Variants in KIAA0825 observed in about 807,000 individuals in gnomAD.
KIAA0825 encodes KIAA0825.
Under a neutral mutation model 147.6 loss-of-function variants are expected in KIAA0825, and 119 were observed. The observed-to-expected ratio is 0.81, with a 90% CI of 0.69 to 0.94. The LOEUF (loss-of-function observed/expected upper bound fraction) is 0.94, where lower values mean the gene tolerates loss of function less well. Among genes scored for constraint, KIAA0825 ranks in the 40% least tolerant of loss-of-function variants. The pLI, the probability that KIAA0825 is intolerant of heterozygous loss-of-function variation, is 0.00. For missense variants in KIAA0825, 1,381 were observed against 1,472.7 expected, an observed-to-expected ratio of 0.94 and a Z score of 1.02; for synonymous variants, 470 against 518.1, an observed-to-expected ratio of 0.91 and a Z score of 1.26.
chr5:94,523,781 T>C (rs1048157622), intron 4 of KIAA0825, 149 bp downstream of exon 4: 4 of 453,522 alleles, frequency 8.8e-6, no homozygotes, highest in African/African-American at 2.0e-5. Flanking sequence ...CAGTGGATTA[T>C]GTTGGGGATA....
At chr5:94,326,288 T>C (rs1247736121) in intron 20 of KIAA0825, among the ~76,000 whole-genome samples, 1 of 152,164 alleles carries the variant, frequency 6.6e-6, no homozygotes, top group Non-Finnish European at 1.5e-5. Flanking sequence ...AGAAATTCAC[T>C]CAGCAGCATT....
chr5:94,416,523 T>C (rs1489177805), intron 15 of KIAA0825: 1 of 152,204 alleles, frequency 6.6e-6, no homozygotes, highest in African/African-American at 2.4e-5. Context: ...GTTTTCATCC[T>C]TTGTTTTCAC....
chr5:94,393,257 A>G (rs574689231), intron 17 of KIAA0825, among the ~76,000 whole-genome samples: 6 of 152,324 alleles, frequency 3.9e-5, no homozygotes, highest in African/African-American at 1.4e-4. Context: ...CTTAATCTGT[A>G]TATGCACCCA....
At chr5:94,228,588 G>T (rs992317743) in intron 20 of KIAA0825, among the ~76,000 whole-genome samples, 1 of 152,118 alleles carries the variant, frequency 6.6e-6, no homozygotes, top group Admixed American at 6.5e-5. Flanking sequence ...TCACTGGCCA[G>T]AACTAAGTCA....
intron 1 of KIAA0825, among the ~76,000 whole-genome samples, chr5:94,589,214 T>TG (rs1229188144): frequency 6.6e-6 from 1 of 152,082 alleles, no homozygotes. Context: ...TTGTTAAACA[T>TG]GGGTTCTGAT....
intron 20 of KIAA0825, among the ~76,000 whole-genome samples, chr5:94,332,904 T>G (rs1781428335): frequency 6.6e-6 from 1 of 152,190 alleles, no homozygotes; most frequent in Admixed American, 6.5e-5. Context: ...GTTTCCTTTT[T>G]GAAAACTGCC....
chr5:94,460,707 T>C (rs1759713228), intron 12 of KIAA0825, among the ~76,000 whole-genome samples: 1 of 152,080 alleles, frequency 6.6e-6, no homozygotes, highest in Non-Finnish European at 1.5e-5. Context: ...GTAGAGTTCT[T>C]GCAACACACA....
intron 12 of KIAA0825, among the ~76,000 whole-genome samples, chr5:94,458,104 C>T (rs918055501): frequency 6.6e-6 from 1 of 152,158 alleles, no homozygotes; most frequent in Non-Finnish European, 1.5e-5. Context: ...CAGACAACTA[C>T]CTATGAATAC....
chr5:94,337,510 AAGTT>A (rs1781941322), intron 20 of KIAA0825, among the ~76,000 whole-genome samples: 2 of 152,284 alleles, frequency 1.3e-5, no homozygotes, highest in South Asian at 4.1e-4. Context: ...AGAGCTTATC[AAGTT>A]AGTTCTGTAA....
intron 5 of KIAA0825, among the ~76,000 whole-genome samples, chr5:94,506,552 T>C (rs997818951): frequency 6.6e-6 from 1 of 152,236 alleles, no homozygotes; most frequent in African/African-American, 2.4e-5. Context: ...TGGTAATGTG[T>C]GATCATTTTT....
At chr5:94,606,512 A>G (rs1001888313) in intron 1 of KIAA0825, among the ~76,000 whole-genome samples, 5 of 152,344 alleles carry the variant, frequency 3.3e-5, no homozygotes, top group Non-Finnish European at 7.3e-5. Context: ...ACTACACTAC[A>G]AGGCAACAGT....
At chr5:94,405,537 T>C (rs1341727882) in intron 15 of KIAA0825, among the ~76,000 whole-genome samples, 3 of 152,188 alleles carry the variant, frequency 2.0e-5, no homozygotes, top group Non-Finnish European at 4.4e-5. Context: ...TAACAAAACA[T>C]CATTGAAAAT....
chr5:94,589,804 T>C (rs1346454069), intron 1 of KIAA0825, among the ~76,000 whole-genome samples: 1 of 151,928 alleles, frequency 6.6e-6, no homozygotes, highest in Non-Finnish European at 1.5e-5. Flanking sequence ...GCTTTATTTC[T>C]TTATTTCCAA....
Position 94,507,438 on chromosome 5 carries a change from C to G in KIAA0825, c.970+12810G>C, listed in dbSNP as rs1339294955. Among the ~76,000 whole-genome samples, 2 of 152,036 alleles carry G rather than the reference C, an allele frequency of 1.3e-5. 1 individual carries two copies. ...ACTGCACTCCAGCCTGGCGACAGAG[C>G]AAGACACCGTCCCCCCGCCCCCCCC... On this transcript the variant is annotated intron_variant, in intron 5 of 20. Coordinates refer to ENST00000682413, the MANE Select transcript of KIAA0825 (RefSeq NM_001145678.3).
chr5:94,606,219 A>T (rs1332398793), intron 1 of KIAA0825, among the ~76,000 whole-genome samples: 2 of 152,208 alleles, frequency 1.3e-5, no homozygotes, highest in East Asian at 3.8e-4. Flanking sequence ...GATCTCTACA[A>T]TGAGAATTAC....
At chr5:94,277,824 T>C (rs768485923) in intron 20 of KIAA0825, among the ~76,000 whole-genome samples, 3 of 152,196 alleles carry the variant, frequency 2.0e-5, no homozygotes, top group Non-Finnish European at 4.4e-5. Context: ...TGGATGTTTA[T>C]TGCAGCACTA....
chr5:94,349,402 A>C (rs770951575), intron 20 of KIAA0825, among the ~76,000 whole-genome samples: 1 of 152,190 alleles, frequency 6.6e-6, no homozygotes, highest in Non-Finnish European at 1.5e-5. Flanking sequence ...ACGGAAAGTC[A>C]ACAAAGAAAC....
At chr5:94,512,633 T>C (rs1161099169) in intron 5 of KIAA0825, among the ~76,000 whole-genome samples, 1 of 148,212 alleles carries the variant, frequency 6.7e-6, no homozygotes, top group African/African-American at 2.5e-5. Flanking sequence ...TGGTGGCTCA[T>C]GCGTAATCCC....
intron 5 of KIAA0825, among the ~76,000 whole-genome samples, chr5:94,518,090 A>G (rs1389924589): frequency 2.0e-5 from 3 of 152,200 alleles, no homozygotes; most frequent in Admixed American, 2.0e-4. Context: ...TGTCCTTTCT[A>G]TAATTTCAGG....
Sources: gnomAD v4.1 joint callset for allele counts (sites outside exome capture counted in the v4.1 genomes callset) on GRCh38, gnomAD v4.1.1 for gene constraint, MANE v1.5 for transcripts, NCBI Gene and HGNC (gene_info 2026-07-23, HGNC 2026-07-21) for gene names.